Variants in VSTM1 observed in about 807,000 individuals in gnomAD.
The protein encoded by VSTM1 is V-set and transmembrane domain containing 1.
Under a neutral mutation model 33.1 loss-of-function variants are expected in VSTM1, and 27 were observed. The observed-to-expected ratio is 0.82, with a 90% CI of 0.60 to 1.12. The LOEUF (loss-of-function observed/expected upper bound fraction) is 1.12. VSTM1 is among the 50% of genes most tolerant of loss of function. VSTM1 has a pLI of 0.00. For missense variants in VSTM1, 304 were observed against 288.9 expected, an observed-to-expected ratio of 1.05 and a Z score of -0.38; for synonymous variants, 115 against 110.3, an observed-to-expected ratio of 1.04 and a Z score of -0.27.
At chr19:54,055,286 A>G (rs1449708720) in intron 3 of VSTM1, among the ~76,000 whole-genome samples, 1 of 141,090 alleles carries the variant, frequency 7.1e-6, no homozygotes, top group African/African-American at 2.6e-5. Flanking sequence ...TGAAATATAA[A>G]TTTTCATTTA....
Position 54,062,714 on chromosome 19 carries a change from ACT to A in VSTM1, c.34+1028_34+1029del, listed in dbSNP as rs1474766601. Among the ~76,000 whole-genome samples the A allele has an allele frequency of 6.5e-5, 6 of 91,706 alleles. No individual in the cohort carries two copies. In the East Asian group the frequency reaches 1.5e-3, roughly 23 times the overall value. 60.2% of individuals were successfully genotyped at this position (91,706 alleles called of 152,430 possible). A position where few individuals can be genotyped will look rare whatever the true frequency, so the allele number is the denominator to read the frequency against. On this transcript the variant is annotated intron_variant, in intron 1 of 8. Transcript: ENST00000338372. Reference sequence around the variant, plus strand: ...ACTCCAGCCTGGGAGACAAAGCAAGACTCTGTCAAAAAAAAAAAAAAATGCTC... The same window carrying A: ...ACTCCAGCCTGGGAGACAAAGCAAGACTGTCAAAAAAAAAAAAAAATGCTC...
chr19:54,052,571 G>A (rs993703930), intron 3 of VSTM1, among the ~76,000 whole-genome samples: 5 of 140,966 alleles, frequency 3.5e-5, no homozygotes, highest in South Asian at 2.4e-4. Flanking sequence ...TGATATATGC[G>A]GAGATGTTGA....
chr19:54,044,991 A>G (rs954217947), intron 4 of VSTM1, among the ~76,000 whole-genome samples: 3 of 151,854 alleles, frequency 2.0e-5, no homozygotes, highest in African/African-American at 4.8e-5. Flanking sequence ...CTTCACCAAG[A>G]CCCCCGCTAT....
chr19:54,050,708 G>T (rs1158761656), intron 4 of VSTM1, among the ~76,000 whole-genome samples: 1 of 152,108 alleles, frequency 6.6e-6, no homozygotes, highest in Non-Finnish European at 1.5e-5. Context: ...GGCCGGGTGC[G>T]GTGGCTCATG....
chr19:54,042,825 T>TATATATATATACAC (rs2070379275), intron 4 of VSTM1, among the ~76,000 whole-genome samples: 1 of 74,420 alleles, frequency 1.3e-5, no homozygotes, highest in African/African-American at 5.0e-5. Context: ...TATATATATA[T>TATATATATATACAC]ATATATATAT....
At chr19:54,048,427 T>C in intron 4 of VSTM1, 1 of 328,384 alleles carries the variant, frequency 3.0e-6, no homozygotes, top group African/African-American at 2.2e-5. Flanking sequence ...AGATATTTTA[T>C]TCTGTTTAGA....
At chr19:54,044,508 C>G (rs756145834) in intron 4 of VSTM1, among the ~76,000 whole-genome samples, 1 of 152,050 alleles carries the variant, frequency 6.6e-6, no homozygotes, top group Admixed American at 6.6e-5. Context: ...TGCAGTGAGC[C>G]GAGATCGCAT....
chr19:54,044,287 G>A (rs573853164), intron 4 of VSTM1, among the ~76,000 whole-genome samples: 3 of 152,264 alleles, frequency 2.0e-5, no homozygotes, highest in African/African-American at 7.2e-5. Context: ...GGCCGGGCAC[G>A]GTGGCTCACG....
intron 4 of VSTM1, among the ~76,000 whole-genome samples, chr19:54,048,882 G>A (rs1018757497): frequency 5.3e-5 from 8 of 152,064 alleles, no homozygotes; most frequent in African/African-American, 1.2e-4. Context: ...TCAGGAGTTC[G>A]AGACCAGCCT....
At chr19:54,059,351 G>GC (rs2071274098) in intron 1 of VSTM1, among the ~76,000 whole-genome samples, 2 of 151,978 alleles carry the variant, frequency 1.3e-5, no homozygotes, top group Non-Finnish European at 2.9e-5. Flanking sequence ...GTGAGCCACT[G>GC]CCCCCGGCCC....
rs1600150631 is a variant in VSTM1, at chr19:54,056,284, C to T, written c.355+2022G>A. 3.4e-5 allele frequency among the ~76,000 whole-genome samples: 4 copies of T among 116,936 alleles called. 2 individuals carry two copies. The South Asian group carries it at 1.2e-3, about 35-fold the overall frequency. 76.7% of individuals were successfully genotyped at this position (116,936 alleles called of 152,430 possible). On this transcript the variant is annotated intron_variant, in intron 3 of 8. Coordinates refer to ENST00000338372, the MANE Select transcript of VSTM1 (RefSeq NM_198481.4). The stretch of plus-strand genomic sequence containing the variant: ...TCACCCAGGCTTGAGTGCAGTGGCA[C>T]GATCTTGGCTCACCGCAGCCTCTGC...
intron 4 of VSTM1, among the ~76,000 whole-genome samples, chr19:54,046,802 C>G (rs2070614142): frequency 6.6e-6 from 1 of 152,144 alleles, no homozygotes; most frequent in South Asian, 2.1e-4. Flanking sequence ...GTCTCCACTG[C>G]TTTCTGCAGG....
At position 54,046,417 on chromosome 19, in the gene VSTM1, C is replaced by A. The variant is rs117349374; in HGVS notation, c.395-4048G>T. Among the ~76,000 whole-genome samples the A allele has an allele frequency of 3.6e-3, 548 of 152,232 alleles. 2 individuals are homozygous for A. The highest frequency in any genetic ancestry group is 0.01 in the Middle Eastern group (3 of 294). ...GGAGGGGGCAGAGAGCTAATAATAT[C>A]TAACTTGAAGAGTTAGGTAATGATG... On this transcript the variant is annotated intron_variant, in intron 4 of 8. Transcript: ENST00000338372.
chr19:54,057,284 C>G (rs1321154864), intron 3 of VSTM1, among the ~76,000 whole-genome samples: 5 of 139,606 alleles, frequency 3.6e-5, no homozygotes, highest in Non-Finnish European at 4.7e-5. Context: ...TTTGGGAGGC[C>G]AAGGCAGGAG....
intron 3 of VSTM1, among the ~76,000 whole-genome samples, chr19:54,057,224 A>G (rs998579945): frequency 1.4e-5 from 2 of 140,778 alleles, no homozygotes; most frequent in Non-Finnish European, 3.1e-5. Context: ...CAGGAAAAGA[A>G]ATACGTGCAT....
intron 3 of VSTM1, among the ~76,000 whole-genome samples, chr19:54,057,226 T>C (rs1171492545): frequency 7.1e-6 from 1 of 139,944 alleles, no homozygotes; most frequent in Non-Finnish European, 1.6e-5. Flanking sequence ...GGAAAAGAAA[T>C]ACGTGCATCA....
chr19:54,042,827 TATATATATATAC>T (rs1451158513), intron 4 of VSTM1, among the ~76,000 whole-genome samples: 873 of 77,388 alleles, frequency 0.011, 13 homozygotes, highest in Non-Finnish European at 0.016. Context: ...TATATATATA[TATATATATATAC>T]ATATATATAT....
chr19:54,062,394 G>T (rs2071435632), intron 1 of VSTM1, among the ~76,000 whole-genome samples: 1 of 152,148 alleles, frequency 6.6e-6, no homozygotes, highest in African/African-American at 2.4e-5. Flanking sequence ...GTGCTCAGCA[G>T]CTGGAGGCTT....
At chr19:54,048,514 T>A (rs2070702351) in intron 4 of VSTM1, 1 of 175,228 alleles carries the variant, frequency 5.7e-6, no homozygotes, top group Non-Finnish European at 1.3e-5. Context: ...GGCTATAATT[T>A]AAAAAAAGAA....
Sources: allele counts gnomAD v4.1 joint callset (sites outside exome capture counted in the v4.1 genomes callset), GRCh38; gene constraint gnomAD v4.1.1; transcripts MANE v1.5; gene names NCBI Gene and HGNC (gene_info 2026-07-23, HGNC 2026-07-21).